The following TENM3 variants were observed in gnomAD, a reference collection of about 807,000 sequenced individuals.
The protein encoded by TENM3 is teneurin transmembrane protein 3.
In TENM3, 63 loss-of-function variants were observed where a neutral mutation model predicts 255.1. The observed-to-expected ratio is 0.25, with a 90% CI of 0.20 to 0.30. The LOEUF (loss-of-function observed/expected upper bound fraction) is 0.30, where lower values mean the gene tolerates loss of function less well. Among genes scored for constraint, TENM3 ranks in the 10% least tolerant of loss-of-function variants. The probability of loss-of-function intolerance (pLI) is 1.00; values close to 1 mark genes in which losing one functional copy is unlikely to be tolerated. For synonymous variants in TENM3, 1,306 were observed against 1,322.3 expected (o/e 0.99, Z 0.27); for missense variants, 2,929 against 3,461.1 (o/e 0.85, Z 3.86).
At chr4:182,668,720 C>T (rs767392999) in intron 6 of TENM3, among the ~76,000 whole-genome samples, 5 of 152,162 alleles carry the variant, frequency 3.3e-5, no homozygotes, top group Non-Finnish European at 7.4e-5. Context: ...ATTTTAACCC[C>T]TCAAAATTAA....
chr4:182,326,521 A>G lies in TENM3; in HGVS notation c.232+2269A>G, dbSNP rs558015070. On this transcript the variant is annotated intron_variant, in intron 2 of 27. Coordinates refer to ENST00000511685, the MANE Select transcript of TENM3 (RefSeq NM_001080477.4). ...TTGATTTATTGCAGTCAATTTTTTA[A>G]GTCTATTATCATTATTATTAATTAA... is the stretch of plus-strand genomic sequence containing the variant. Among the ~76,000 whole-genome samples the G allele has an allele frequency of 4.6e-5, 7 of 151,970 alleles. No homozygotes were observed. In the South Asian group the frequency reaches 1.5e-3, roughly 32 times the overall value.
chr4:181,637,165 C>T, the TENM3 span, among the ~76,000 whole-genome samples: 5 of 152,304 alleles, frequency 3.3e-5, no homozygotes, highest in Admixed American at 2.0e-4. Flanking sequence ...CTCAGCAACT[C>T]CTATCCTTTT....
rs896344284 is a variant in TENM3 at position 182,754,323 on chromosome 4, C to T, written c.4018-62C>T. 1 of 1,459,304 alleles carries T rather than the reference C, an allele frequency of 6.9e-7. No individual in the cohort carries two copies. Among genetic ancestry groups the T allele is most frequent in the Non-Finnish European group, 9.1e-7 (1 of 1,093,308 alleles). 90.4% of individuals were successfully genotyped at this position (1,459,304 alleles called of 1,614,324 possible). ...ATTTCCCTGAATGGTCTAATTTACT[C>T]TTCTGGCGAATTAACTGTAGTGCAG... On this transcript the variant is annotated intron_variant, in intron 21 of 27. Coordinates refer to ENST00000511685, the MANE Select transcript of TENM3 (RefSeq NM_001080477.4). This position sits in a 1 kb window ranked among gnomAD's most constrained non-coding sequence, Gnocchi z 5.1.
chr4:181,791,479 G>A, the TENM3 span, among the ~76,000 whole-genome samples: 1 of 152,182 alleles, frequency 6.6e-6, no homozygotes, highest in East Asian at 1.9e-4. Context: ...TAAACAAAGT[G>A]TGAAGAATTT....
At position 182,369,113 on chromosome 4, in the gene TENM3, G is replaced by C. The variant is rs151016803; in HGVS notation, c.511+22184G>C. Among the ~76,000 whole-genome samples the C allele has an allele frequency of 8.5e-5, 13 of 152,264 alleles. No homozygotes were observed. The South Asian group carries it at 2.7e-3, about 32-fold the overall frequency. On this transcript the variant is annotated intron_variant, in intron 3 of 27. Transcript: ENST00000511685. ...GACCTTTCCAATGATAATTGCTAAG[G>C]ATTTTGGATGTGAATGTTGTTGTTA...
the TENM3 span, among the ~76,000 whole-genome samples, chr4:182,105,433 G>A: frequency 6.6e-6 from 1 of 152,188 alleles, no homozygotes; most frequent in Non-Finnish European, 1.5e-5. Context: ...CAAATGACAA[G>A]TTTGAGGGAT....
chr4:181,451,016 A>G, the TENM3 span, among the ~76,000 whole-genome samples: 56 of 152,146 alleles, frequency 3.7e-4, no homozygotes, highest in African/African-American at 1.1e-3. Flanking sequence ...TTACATCTAC[A>G]CTGTGCTATC....
chr4:182,155,654 C>T (rs140565245), intron 1 of TENM3, among the ~76,000 whole-genome samples: 124 of 151,936 alleles, frequency 8.2e-4, no homozygotes, highest in African/African-American at 2.6e-3. Context: ...CCAGATGTAA[C>T]CAAATTTCAA....
chr4:182,559,251 C>T (rs1413535529), intron 3 of TENM3, among the ~76,000 whole-genome samples: 1 of 148,608 alleles, frequency 6.7e-6, no homozygotes, highest in East Asian at 2.0e-4. Flanking sequence ...ATTAATTAAT[C>T]CTGAGAACAG....
At chr4:182,273,862 T>C (rs566262464) in intron 1 of TENM3, among the ~76,000 whole-genome samples, 1 of 152,358 alleles carries the variant, frequency 6.6e-6, no homozygotes, top group Non-Finnish European at 1.5e-5. Flanking sequence ...TTGGTTTAAA[T>C]TTAATGAAGG....
chr4:182,438,596 A>G (rs1323892480), intron 3 of TENM3, among the ~76,000 whole-genome samples: 4 of 152,168 alleles, frequency 2.6e-5, no homozygotes, highest in African/African-American at 7.2e-5. Context: ...AAATTCCTTG[A>G]AGGTAAATTT....
chr4:182,568,565 G>T (rs527468517), intron 3 of TENM3, among the ~76,000 whole-genome samples: 15 of 152,254 alleles, frequency 9.9e-5, no homozygotes, highest in African/African-American at 2.6e-4. Context: ...TAAGGATTTG[G>T]TATGGTACAA....
At chr4:181,464,429 T>C in the TENM3 span, among the ~76,000 whole-genome samples, 1 of 152,228 alleles carries the variant, frequency 6.6e-6, no homozygotes, top group Non-Finnish European at 1.5e-5. Context: ...AGGTGGTTCT[T>C]GATCATGTGT....
chr4:182,714,048 T>C, intron 12 of TENM3, 39 bp from the exon 13 acceptor site: 2 of 1,597,826 alleles, frequency 1.3e-6, no homozygotes, highest in Non-Finnish European at 1.7e-6. Context: ...AAAAACTCAA[T>C]ACTCAAATCA....
At chr4:182,481,991 C>T (rs188583219) in intron 3 of TENM3, among the ~76,000 whole-genome samples, 176 of 152,202 alleles carry the variant, frequency 1.2e-3, no homozygotes, top group Non-Finnish European at 7.5e-4. Context: ...AGACAGTGCA[C>T]AACACTGAAG....
At chr4:182,040,688 T>A in the TENM3 span, among the ~76,000 whole-genome samples, 3 of 152,178 alleles carry the variant, frequency 2.0e-5, no homozygotes, top group Non-Finnish European at 4.4e-5. Context: ...GAAAAACTAG[T>A]TTTCTCCCAG....
At chr4:181,457,400 A>G in the TENM3 span, among the ~76,000 whole-genome samples, 1 of 151,728 alleles carries the variant, frequency 6.6e-6, no homozygotes, top group Non-Finnish European at 1.5e-5. Context: ...TGGAAGTTCA[A>G]GTCAACTTCA....
At chr4:181,945,820 T>C in the TENM3 span, among the ~76,000 whole-genome samples, 1 of 152,168 alleles carries the variant, frequency 6.6e-6, no homozygotes. Context: ...GTAATCAATT[T>C]GACTGGTAAA....
chr4:182,751,716 A>C (rs1055745838), intron 19 of TENM3, 84 bp from the exon 20 acceptor site: 2 of 924,396 alleles, frequency 2.2e-6, no homozygotes. Context: ...TCAGTTTCTC[A>C]TGATCTGTTT....
Sources: allele counts gnomAD v4.1 joint callset (sites outside exome capture counted in the v4.1 genomes callset), GRCh38; gene constraint gnomAD v4.1.1; non-coding constraint Gnocchi (gnomAD v3.1); transcripts MANE v1.5; gene names NCBI Gene and HGNC (gene_info 2026-07-23, HGNC 2026-07-21).